Variants in SLTM observed in about 807,000 individuals in gnomAD.
SLTM encodes SAFB-like transcription modulator.
In SLTM, 43 loss-of-function variants were observed where a neutral mutation model predicts 134.6. The ratio of observed to expected loss-of-function variants is 0.32; its 90% CI spans 0.25 to 0.41. The LOEUF (loss-of-function observed/expected upper bound fraction) is 0.41. Among genes scored for constraint, SLTM ranks in the 10% least tolerant of loss-of-function variants. The probability of loss-of-function intolerance (pLI) is 1.00; values close to 1 mark genes in which losing one functional copy is unlikely to be tolerated. For missense variants in SLTM, 1,055 were observed against 1,288.8 expected (o/e 0.82, Z 2.78); for synonymous variants, 424 against 432.3 (o/e 0.98, Z 0.24).
At chr15:58,890,859 T>C (rs1262917572) in intron 14 of SLTM, among the ~76,000 whole-genome samples, 2 of 152,234 alleles carry the variant, frequency 1.3e-5, no homozygotes, top group African/African-American at 4.8e-5. Context: ...ATATATTCTA[T>C]TGTATCTCCT....
chr15:58,904,684 C>G (rs1329187523), intron 5 of SLTM, among the ~76,000 whole-genome samples: 5 of 151,730 alleles, frequency 3.3e-5, no homozygotes, highest in African/African-American at 4.8e-5. Context: ...GTATGCACCA[C>G]CACACCCGGC....
At position 58,889,822 on chromosome 15, in the gene SLTM, G is replaced by A. The variant is rs1346909043; in HGVS notation, c.2080-268C>T. On this transcript the variant is annotated intron_variant, in intron 15 of 20. Transcript: ENST00000380516. ...GTTTAATCATTCGACTAAAACAAAA[G>A]CACCTAAAGGGAATTAGAAATAGCA... 52 of 406,056 alleles carry A rather than the reference G, an allele frequency of 1.3e-4. 1 individual carries two copies. Among genetic ancestry groups the A allele is most frequent in the Non-Finnish European group, 3.1e-5 (7 of 225,906 alleles). 25.2% of individuals were successfully genotyped at this position (406,056 alleles called of 1,614,324 possible).
intron 2 of SLTM, among the ~76,000 whole-genome samples, chr15:58,925,585 G>A (rs945683085): frequency 5.3e-5 from 8 of 152,056 alleles, no homozygotes; most frequent in African/African-American, 1.4e-4. Context: ...TGATCCACCC[G>A]CCTCCACCTC....
At position 58,882,184 on chromosome 15, in the gene SLTM, A is replaced by AAAAAAAAAAAAAAAC. The variant is rs1411161089; in HGVS notation, c.2996+1441_2996+1442insGTTTTTTTTTTTTTT. Among the ~76,000 whole-genome samples the AAAAAAAAAAAAAAAC allele has an allele frequency of 1.3e-5, 2 of 148,314 alleles. 1 individual carries two copies. Among genetic ancestry groups the AAAAAAAAAAAAAAAC allele is most frequent in the East Asian group, 4.0e-4 (2 of 5,062 alleles). On this transcript the variant is annotated intron_variant, in intron 20 of 20. Transcript: ENST00000380516. ...TGGACAGAGCAAGACTCTGTCTCAAAAAAAAAAAACCACACTTAGAAATTT... is the reference window on the plus strand; with the variant it reads ...TGGACAGAGCAAGACTCTGTCTCAAAAAAAAAAAAAAAAACAAAAAAAAACCACACTTAGAAATTT...
intron 5 of SLTM, among the ~76,000 whole-genome samples, chr15:58,902,147 C>T (rs748652991): frequency 6.6e-6 from 1 of 152,076 alleles, no homozygotes; most frequent in Non-Finnish European, 1.5e-5. Context: ...CTGAAGTAAT[C>T]AAACCAACAT....
intron 2 of SLTM, among the ~76,000 whole-genome samples, chr15:58,921,798 C>G (rs960194857): frequency 6.6e-6 from 1 of 151,944 alleles, no homozygotes; most frequent in African/African-American, 2.4e-5. Context: ...TTTTTGGAGA[C>G]AGACTCTTAC....
chr15:58,879,779 G>A lies in SLTM; in HGVS notation c.*220C>T, dbSNP rs1431564049. The A allele has an allele frequency of 1.0e-5, 5 of 491,784 alleles. No homozygotes were observed. The highest frequency in any genetic ancestry group is 1.7e-5 in the Non-Finnish European group (5 of 292,604). The allele number at this position is 491,784 out of a possible 1,614,324, so 30.5% of individuals were successfully genotyped here. A position where few individuals can be genotyped will look rare whatever the true frequency, so the allele number is the denominator to read the frequency against. On this transcript the variant is annotated 3_prime_UTR_variant, in exon 21 of 21. Coordinates refer to ENST00000380516, the MANE Select transcript of SLTM (RefSeq NM_024755.4). ...ATCTTTTCAAATGTGCCTCGGTGCT[G>A]CAAGAAAAAAAGTTGAATGATACAC...
At chr15:58,926,704 T>G (rs2141230135) in intron 2 of SLTM, among the ~76,000 whole-genome samples, 1 of 150,638 alleles carries the variant, frequency 6.6e-6, no homozygotes, top group South Asian at 2.2e-4. Flanking sequence ...AACCTCCTCC[T>G]CCCAAGTTCA....
chr15:58,933,296 C>T, intron 1 of SLTM, 108 bp downstream of exon 1: 11 of 1,284,368 alleles, frequency 8.6e-6, no homozygotes, highest in Non-Finnish European at 1.1e-5. Context: ...CATGCCGTTC[C>T]GCAGGTCCCA....
intron 20 of SLTM, 65 bp from the exon 21 acceptor site, chr15:58,880,172 G>A: frequency 6.4e-7 from 1 of 1,565,362 alleles, no homozygotes; most frequent in South Asian, 1.2e-5. Flanking sequence ...GCAAATACCA[G>A]GCACTGTTCT....
At chr15:58,903,047 G>A (rs375484456) in intron 5 of SLTM, among the ~76,000 whole-genome samples, 6 of 152,166 alleles carry the variant, frequency 3.9e-5, no homozygotes, top group African/African-American at 1.4e-4. Context: ...GACTACAGGC[G>A]TGTGCCACTA....
chr15:58,879,587 T>G lies in SLTM; in HGVS notation c.*412A>C, dbSNP rs1280532945. On this transcript the variant is annotated 3_prime_UTR_variant, in exon 21 of 21. Coordinates refer to ENST00000380516, the MANE Select transcript of SLTM (RefSeq NM_024755.4). The stretch of plus-strand genomic sequence containing the variant: ...TCTCTAAAAATTAGACAGCTAAGAC[T>G]TCTTAAGTGTAGACAGCCTTCAAAA... 1 of 155,924 alleles carries G rather than the reference T, an allele frequency of 6.4e-6. No homozygotes were observed. The highest frequency in any genetic ancestry group is 2.4e-5 in the African/African-American group (1 of 41,520). 9.7% of individuals were successfully genotyped at this position (155,924 alleles called of 1,614,324 possible). A position where few individuals can be genotyped will look rare whatever the true frequency, so the allele number is the denominator to read the frequency against.
chr15:58,883,848 A>G (rs1291562596), intron 19 of SLTM, 62 bp from the exon 20 acceptor site: 22 of 1,564,988 alleles, frequency 1.4e-5, no homozygotes, highest in Non-Finnish European at 1.8e-5. Flanking sequence ...CTATAATCTC[A>G]GCACTTTGGG....
chr15:58,928,328 T>A (rs1353507501), intron 2 of SLTM, among the ~76,000 whole-genome samples: 2 of 152,204 alleles, frequency 1.3e-5, no homozygotes, highest in Non-Finnish European at 2.9e-5. Flanking sequence ...AACTACTTTT[T>A]AAACACACAC....
intron 17 of SLTM, among the ~76,000 whole-genome samples, chr15:58,887,844 T>G (rs528588266): frequency 7.9e-5 from 12 of 152,288 alleles, no homozygotes; most frequent in African/African-American, 2.9e-4. Context: ...CAATCAGTGC[T>G]TCCACAGTTT....
chr15:58,893,006 T>TA lies in SLTM; in HGVS notation c.1788dup (p.Lys597Ter). ...AAGATCTCTTTCCTTCTGTAGTCTT[T>TA]ATCTCTTTTTTTATCTAGACTAGCT... On this transcript the variant is annotated frameshift_variant, in exon 14 of 21. Transcript: ENST00000380516. LOFTEE classifies it high-confidence loss of function. 1 of 1,612,402 alleles carries TA rather than the reference T, an allele frequency of 6.2e-7. No individual in the cohort carries two copies.
chr15:58,898,702 T>C, intron 8 of SLTM, 101 bp downstream of exon 8: 1 of 826,778 alleles, frequency 1.2e-6, no homozygotes, highest in Non-Finnish European at 2.0e-6. Context: ...TCAATAAAAT[T>C]TTTAAGGACT....
intron 15 of SLTM, chr15:58,890,021 C>G: frequency 2.0e-6 from 1 of 493,758 alleles, no homozygotes; most frequent in Non-Finnish European, 3.6e-6. Context: ...CTACTCTGGA[C>G]TCATAGTCCT....
At chr15:58,913,130 C>A (rs2036400163) in intron 4 of SLTM, among the ~76,000 whole-genome samples, 2 of 152,066 alleles carry the variant, frequency 1.3e-5, no homozygotes, top group Non-Finnish European at 2.9e-5. Flanking sequence ...GAAATTGGTA[C>A]ATTCATTCAT....
Sources: gnomAD v4.1 joint callset for allele counts (sites outside exome capture counted in the v4.1 genomes callset) on GRCh38, gnomAD v4.1.1 for gene constraint, MANE v1.5 for transcripts, NCBI Gene and HGNC (gene_info 2026-07-23, HGNC 2026-07-21) for gene names.